Variants in DYRK1A observed in about 807,000 individuals in gnomAD.
DYRK1A encodes dual specificity tyrosine phosphorylation regulated kinase 1A, also known as dual specificity tyrosine-phosphorylation-regulated kinase 1A.
DYRK1A carries 9 observed loss-of-function variants against 79.7 expected under a neutral mutation model. That is an observed-to-expected ratio of 0.11 (90% confidence interval 0.07 to 0.20). The LOEUF is 0.20. DYRK1A is among the 10% of genes least tolerant of loss of function. The pLI is 1.00. For synonymous variants in DYRK1A, 349 were observed against 329.7 expected (o/e 1.06, Z -0.63); for missense variants, 622 against 956.0 (o/e 0.65, Z 4.61).
rs754161665 is a variant in DYRK1A, at chr21:37,472,795, G to A, written c.122G>A (p.Ser41Asn). The stretch of plus-strand genomic sequence containing the variant: ...CAGATGCCCCATTCACATCAGTACA[G>A]TGACCGTCGCCAGCCAAACATAAGT... ...AGQMPHSHQY[S>N]DRRQPNISDQ... is the part of the protein sequence containing the mutation. The change falls in exon 3 of 12, where the codon AGT (serine) becomes AAT (asparagine). Residue 41 changes from serine (S) to asparagine (N), a missense_variant. Physicochemically the swap from Ser to Asn is conservative, Grantham distance 46. This residue lies in a region of DYRK1A where 91 missense variants were observed against 113.8 expected (regional missense o/e 0.80). Transcript: ENST00000647188. 11 of 1,611,036 alleles carry A rather than the reference G, an allele frequency of 6.8e-6. No homozygotes were observed. In the South Asian group the frequency reaches 1.2e-4, roughly 18 times the overall value.
At chr21:37,479,606 G>GGTTTTTTTTTTTTTTTTTTTTTT (rs2052536883) in intron 4 of DYRK1A, among the ~76,000 whole-genome samples, 1 of 27,594 alleles carries the variant, frequency 3.6e-5, no homozygotes, top group Non-Finnish European at 6.9e-5. Flanking sequence ...TTTTGTTTTT[G>GGTTTTTTTTTTTTTTTTTTTTTT]TTTTTGTTTT....
intron 9 of DYRK1A, among the ~76,000 whole-genome samples, chr21:37,500,497 T>C (rs1019601262): frequency 6.6e-6 from 1 of 152,202 alleles, no homozygotes; most frequent in Non-Finnish European, 1.5e-5. Context: ...TATTAGGAAA[T>C]ATTTTTTCTT....
At chr21:37,429,801 C>T (rs2050726924) in intron 2 of DYRK1A, among the ~76,000 whole-genome samples, 1 of 152,224 alleles carries the variant, frequency 6.6e-6, no homozygotes, top group African/African-American at 2.4e-5. Context: ...TTAATCCATT[C>T]TGGAAGTAAA....
chr21:37,408,115 C>T (rs2050181127), intron 1 of DYRK1A, among the ~76,000 whole-genome samples: 1 of 152,184 alleles, frequency 6.6e-6, no homozygotes, highest in Non-Finnish European at 1.5e-5. Context: ...AACCCTTTTC[C>T]CTTTCCCAGA....
chr21:37,371,231 A>C (rs2049422548), intron 1 of DYRK1A, among the ~76,000 whole-genome samples: 1 of 152,236 alleles, frequency 6.6e-6, no homozygotes, highest in African/African-American at 2.4e-5. Context: ...AGTGAAATGT[A>C]GACTTCATGT....
chr21:37,461,641 G>T (rs1483831656), intron 2 of DYRK1A, among the ~76,000 whole-genome samples: 1 of 152,052 alleles, frequency 6.6e-6, no homozygotes, highest in Non-Finnish European at 1.5e-5. Flanking sequence ...TGTTCTCACC[G>T]GATATAGATT....
intron 1 of DYRK1A, among the ~76,000 whole-genome samples, chr21:37,375,428 C>T (rs980068352): frequency 2.7e-5 from 4 of 150,926 alleles, no homozygotes; most frequent in Non-Finnish European, 5.9e-5. Context: ...TTGTAATTTT[C>T]ACTGTTGGAA....
chr21:37,460,103 C>T (rs1028525621), intron 2 of DYRK1A, among the ~76,000 whole-genome samples: 1 of 149,318 alleles, frequency 6.7e-6, no homozygotes, highest in Non-Finnish European at 1.5e-5. Flanking sequence ...CTTTCTTTAG[C>T]ATGGATTTTT....
chr21:37,470,560 T>G (rs2052187495), intron 2 of DYRK1A, among the ~76,000 whole-genome samples: 1 of 152,216 alleles, frequency 6.6e-6, no homozygotes, highest in African/African-American at 2.4e-5. Flanking sequence ...TCTAAGGCTT[T>G]GAATGGTTAA....
chr21:37,494,941 C>G (rs1042068426), intron 8 of DYRK1A, among the ~76,000 whole-genome samples: 1 of 44,110 alleles, frequency 2.3e-5, no homozygotes, highest in Non-Finnish European at 3.9e-5. Context: ...GAACAAGACT[C>G]CATTAAAAAA....
intron 1 of DYRK1A, among the ~76,000 whole-genome samples, chr21:37,389,747 A>T (rs1225158287): frequency 1.3e-5 from 2 of 151,434 alleles, no homozygotes; most frequent in Non-Finnish European, 3.0e-5. Context: ...GGATTGGTGG[A>T]CCCATGAATA....
chr21:37,372,962 T>C (rs777043162), intron 1 of DYRK1A, among the ~76,000 whole-genome samples: 1 of 152,210 alleles, frequency 6.6e-6, no homozygotes, highest in Non-Finnish European at 1.5e-5. Context: ...TTAAATTTCA[T>C]TTAATATAAT....
At chr21:37,401,996 C>G (rs1054952207) in intron 1 of DYRK1A, among the ~76,000 whole-genome samples, 3 of 152,182 alleles carry the variant, frequency 2.0e-5, no homozygotes, top group Non-Finnish European at 4.4e-5. Context: ...TCCCACTTCC[C>G]ATTCCCCAGT....
At chr21:37,406,664 A>G (rs1327704641) in intron 1 of DYRK1A, among the ~76,000 whole-genome samples, 1 of 151,930 alleles carries the variant, frequency 6.6e-6, no homozygotes, top group Non-Finnish European at 1.5e-5. Flanking sequence ...ATCATGCCAC[A>G]GCACTCCAGC....
intron 1 of DYRK1A, among the ~76,000 whole-genome samples, chr21:37,391,940 T>C (rs1275366633): frequency 2.6e-5 from 4 of 152,240 alleles, no homozygotes; most frequent in Non-Finnish European, 4.4e-5. Flanking sequence ...TCCTCTAAAC[T>C]AGTAAAGCCA....
At chr21:37,460,861 T>C (rs1175225162) in intron 2 of DYRK1A, among the ~76,000 whole-genome samples, 1 of 152,190 alleles carries the variant, frequency 6.6e-6, no homozygotes, top group Non-Finnish European at 1.5e-5. Flanking sequence ...CTTTAGGATA[T>C]TAAAGAAAAT....
intron 8 of DYRK1A, among the ~76,000 whole-genome samples, chr21:37,495,152 T>TTG (rs56226706): frequency 0.032 from 4,341 of 137,628 alleles, 73 homozygotes; most frequent in Middle Eastern, 0.046. Context: ...CTCTGGGATT[T>TTG]TGTGTGTGTG....
chr21:37,385,936 T>G (rs762565985), intron 1 of DYRK1A, among the ~76,000 whole-genome samples: 7 of 152,132 alleles, frequency 4.6e-5, no homozygotes, highest in African/African-American at 7.2e-5. Context: ...CAGCTCACAT[T>G]AGCATATTGT....
intron 2 of DYRK1A, among the ~76,000 whole-genome samples, chr21:37,459,861 T>G (rs1337307695): frequency 2.0e-5 from 3 of 152,144 alleles, no homozygotes; most frequent in Non-Finnish European, 4.4e-5. Context: ...TTTCGTTTTT[T>G]TCCCGCAAAG....
Sources: allele counts gnomAD v4.1 joint callset (sites outside exome capture counted in the v4.1 genomes callset), GRCh38; gene constraint gnomAD v4.1.1; regional missense constraint gnomAD v4.1.1; transcripts MANE v1.5; gene names NCBI Gene and HGNC (gene_info 2026-07-23, HGNC 2026-07-21).